Variants in HAPSTR1 observed in about 807,000 individuals in gnomAD.
The protein encoded by HAPSTR1 is HUWE1 associated protein modifying stress responses.
chr16:9,097,528 T>C, the HAPSTR1 span, among the ~76,000 whole-genome samples: 3 of 152,244 alleles, frequency 2.0e-5, no homozygotes, highest in Non-Finnish European at 4.4e-5. Context: ...TGAGCCACCA[T>C]ACCCAGCCTG....
At chr16:9,091,983 G>T in the HAPSTR1 span, 3 of 1,318,362 alleles carry the variant, frequency 2.3e-6, no homozygotes, top group Non-Finnish European at 2.9e-6. Context: ...ACGCTCCCGC[G>T]GGGGCCCCGC....
At chr16:9,093,253 G>C in the HAPSTR1 span, among the ~76,000 whole-genome samples, 1 of 152,028 alleles carries the variant, frequency 6.6e-6, no homozygotes, top group Non-Finnish European at 1.5e-5. Flanking sequence ...GGCTGTTGTT[G>C]GGCACCCAGT....
At chr16:9,099,061 C>G in the HAPSTR1 span, among the ~76,000 whole-genome samples, 2 of 152,156 alleles carry the variant, frequency 1.3e-5, no homozygotes, top group Non-Finnish European at 2.9e-5. Flanking sequence ...TGCCCCCACC[C>G]CAGCCCGTTG....
the HAPSTR1 span, chr16:9,092,814 T>G: frequency 8.3e-7 from 1 of 1,198,058 alleles, no homozygotes; most frequent in Non-Finnish European, 1.2e-6. Context: ...AATATGGCCG[T>G]TCCGGAGTGA....
At chr16:9,091,735 G>A in the HAPSTR1 span, 11 of 399,582 alleles carry the variant, frequency 2.8e-5, no homozygotes, top group African/African-American at 1.9e-4. Context: ...AGGCCGCAGC[G>A]CCATGGGGGG....
the HAPSTR1 span, chr16:9,092,831 C>T: frequency 2.3e-6 from 3 of 1,328,010 alleles, no homozygotes; most frequent in African/African-American, 1.5e-5. Context: ...GTGATTGACG[C>T]GCAAATAACA....
At chr16:9,105,447 G>A in the HAPSTR1 span, 1 of 152,168 alleles carries the variant, frequency 6.6e-6, no homozygotes, top group Admixed American at 6.5e-5. Context: ...GAGTTGTGCT[G>A]TACTGGTTTG....
the HAPSTR1 span, chr16:9,092,345 C>G: frequency 8.2e-7 from 1 of 1,218,654 alleles, no homozygotes; most frequent in Non-Finnish European, 1.0e-6. Context: ...ATCGGCTCAG[C>G]GGCCGCTTCG....
chr16:9,114,306 C>A, the HAPSTR1 span, among the ~76,000 whole-genome samples: 1 of 151,964 alleles, frequency 6.6e-6, no homozygotes, highest in East Asian at 1.9e-4. Flanking sequence ...AGGGTGACAC[C>A]AGCCTTTCAG....
At chr16:9,121,164 G>A in the HAPSTR1 span, 1 of 152,224 alleles carries the variant, frequency 6.6e-6, no homozygotes, top group African/African-American at 2.4e-5. Context: ...ATGTTGGCCA[G>A]GCCAGTCTTG....
the HAPSTR1 span, among the ~76,000 whole-genome samples, chr16:9,102,438 A>G: frequency 6.6e-6 from 1 of 152,266 alleles, no homozygotes; most frequent in Non-Finnish European, 1.5e-5. Flanking sequence ...AACTGGAAGC[A>G]AAATGAGTAT....
At chr16:9,102,856 A>T in the HAPSTR1 span, 1 of 883,722 alleles carries the variant, frequency 1.1e-6, no homozygotes. Context: ...TTCAGTTTAT[A>T]TTACTGATGG....
chr16:9,092,789 A>G, the HAPSTR1 span: 2 of 996,212 alleles, frequency 2.0e-6, no homozygotes, highest in African/African-American at 3.3e-5. Flanking sequence ...ACCCCTGAAC[A>G]AAATGGCGAA....
chr16:9,110,918 A>T, the HAPSTR1 span: 4 of 152,342 alleles, frequency 2.6e-5, no homozygotes, highest in Non-Finnish European at 5.9e-5. Context: ...CATGCCTGTA[A>T]TCCTGTCTAC....
chr16:9,092,495 C>T, the HAPSTR1 span, among the ~76,000 whole-genome samples: 1 of 152,184 alleles, frequency 6.6e-6, no homozygotes, highest in Non-Finnish European at 1.5e-5. Context: ...GGTAGCCCCG[C>T]TTTGGGGTGG....
At chr16:9,111,056 C>G in the HAPSTR1 span, 1 of 139,556 alleles carries the variant, frequency 7.2e-6, no homozygotes. Flanking sequence ...AAAACAAAAA[C>G]CTGTTGGTAT....
At chr16:9,097,128 C>T in the HAPSTR1 span, among the ~76,000 whole-genome samples, 28 of 152,032 alleles carry the variant, frequency 1.8e-4, no homozygotes, top group African/African-American at 5.3e-4. Context: ...TTAGTAGAGA[C>T]GGGGTTTCAC....
the HAPSTR1 span, chr16:9,102,962 T>G: frequency 6.2e-7 from 1 of 1,608,452 alleles, no homozygotes; most frequent in Non-Finnish European, 8.5e-7. Flanking sequence ...ATACATGTTT[T>G]CTTTTTCTTT....
the HAPSTR1 span, chr16:9,104,633 A>C: frequency 6.6e-6 from 1 of 152,234 alleles, no homozygotes; most frequent in Non-Finnish European, 1.5e-5. Flanking sequence ...ATTAAAAACA[A>C]AAACATGAAT....
Sources: gnomAD v4.1 joint callset for allele counts (sites outside exome capture counted in the v4.1 genomes callset) on GRCh38, gnomAD v4.1.1 for gene constraint, MANE v1.5 for transcripts, NCBI Gene and HGNC (gene_info 2026-07-23, HGNC 2026-07-21) for gene names.